Variants in RNF10 observed in about 807,000 individuals in gnomAD.
RNF10 encodes E3 ubiquitin-protein ligase RNF10.
RNF10 carries 38 observed loss-of-function variants against 91.4 expected under a neutral mutation model. The observed-to-expected ratio is 0.42, with a 90% CI of 0.32 to 0.54. RNF10 has a LOEUF of 0.54. Ranked by LOEUF, RNF10 falls within the 20% of genes least tolerant of loss-of-function variation. RNF10 has a pLI of 0.16. For synonymous variants in RNF10, 364 were observed against 366.3 expected (o/e 0.99, Z 0.07); for missense variants, 945 against 1,012.0 (o/e 0.93, Z 0.90).
At position 120,569,304 on chromosome 12, in the gene RNF10, C is replaced by T. The variant is rs1252048377; in HGVS notation, c.2042-1887C>T. Among the ~76,000 whole-genome samples the T allele has an allele frequency of 4.6e-5, 7 of 152,096 alleles. No individual in the cohort carries two copies. The East Asian group carries it at 1.4e-3, about 30-fold the overall frequency. On this transcript the variant is annotated intron_variant, in intron 13 of 16. Coordinates refer to ENST00000325954, the MANE Select transcript of RNF10 (RefSeq NM_014868.5). Reference sequence around the variant, plus strand: ...CTGTGCCTGGCCTCTGTCGGGCATTCTTAACAAAGTGTCCATCATTGGAAT... The same window carrying T: ...CTGTGCCTGGCCTCTGTCGGGCATTTTTAACAAAGTGTCCATCATTGGAAT...
At chr12:120,546,325 T>G in intron 1 of RNF10, 80 bp from the exon 2 acceptor site, 1 of 1,350,570 alleles carries the variant, frequency 7.4e-7, no homozygotes, top group South Asian at 1.4e-5. Flanking sequence ...CACCCTTATT[T>G]TTTGCTGGGA....
intron 1 of RNF10, 120 bp from the exon 2 acceptor site, chr12:120,546,285 A>G (rs1017569811): frequency 1.3e-5 from 11 of 826,470 alleles, no homozygotes; most frequent in Admixed American, 5.3e-5. Flanking sequence ...GCCCAAACCC[A>G]GATTCCTGAA....
In RNF10 at chr12:120,576,782, G is replaced by T; in HGVS notation, c.*116G>T. Reference sequence around the variant, plus strand: ...ATTTGAGTTTGAACAGATTAGCTCTGGGGGGAGGGGGTTTCCACAATGTGA... The same window carrying T: ...ATTTGAGTTTGAACAGATTAGCTCTTGGGGGAGGGGGTTTCCACAATGTGA... On this transcript the variant is annotated 3_prime_UTR_variant, in exon 17 of 17. Coordinates refer to ENST00000325954, the MANE Select transcript of RNF10 (RefSeq NM_014868.5). The T allele has an allele frequency of 2.1e-6, 3 of 1,400,918 alleles. No homozygotes were observed. The highest frequency in any genetic ancestry group is 2.9e-6 in the Non-Finnish European group (3 of 1,035,264). 86.8% of individuals were successfully genotyped at this position (1,400,918 alleles called of 1,614,324 possible).
intron 7 of RNF10, among the ~76,000 whole-genome samples, chr12:120,561,810 C>T (rs893799488): frequency 6.6e-6 from 1 of 152,144 alleles, no homozygotes; most frequent in Non-Finnish European, 1.5e-5. Flanking sequence ...CGTATTTGTT[C>T]AAATGCCATT....
chr12:120,542,271 A>G (rs1328977384), intron 1 of RNF10, among the ~76,000 whole-genome samples: 1 of 151,850 alleles, frequency 6.6e-6, no homozygotes, highest in African/African-American at 2.4e-5. Context: ...AATCCTTCCA[A>G]CTCAGCCTCT....
chr12:120,541,298 G>T (rs576796468), intron 1 of RNF10, among the ~76,000 whole-genome samples: 17 of 152,282 alleles, frequency 1.1e-4, no homozygotes, highest in Non-Finnish European at 1.8e-4. Context: ...TGGATAATGA[G>T]GTTGGAGGAT....
At chr12:120,567,908 T>C (rs1415301072) in intron 13 of RNF10, among the ~76,000 whole-genome samples, 1 of 151,718 alleles carries the variant, frequency 6.6e-6, no homozygotes, top group Non-Finnish European at 1.5e-5. Flanking sequence ...TGTAAATGTA[T>C]AGAAAAACTT....
intron 16 of RNF10, 89 bp downstream of exon 16, chr12:120,576,039 A>C (rs1445142039): frequency 7.5e-7 from 1 of 1,337,438 alleles, no homozygotes; most frequent in East Asian, 2.3e-5. Context: ...AGACATCACT[A>C]ATTAGGCTCT....
chr12:120,574,264 T>A (rs1877072757), intron 14 of RNF10, among the ~76,000 whole-genome samples: 1 of 152,248 alleles, frequency 6.6e-6, no homozygotes, highest in South Asian at 2.1e-4. Context: ...AATATATGAT[T>A]TAAGGACAAG....
chr12:120,559,294 T>G (rs1157330997), intron 6 of RNF10, among the ~76,000 whole-genome samples: 2 of 151,014 alleles, frequency 1.3e-5, no homozygotes, highest in African/African-American at 4.9e-5. Context: ...CGATTTTCCT[T>G]CCTCAGCTTC....
chr12:120,558,727 C>T (rs1874383582), intron 6 of RNF10, among the ~76,000 whole-genome samples: 1 of 151,322 alleles, frequency 6.6e-6, no homozygotes, highest in Non-Finnish European at 1.5e-5. Flanking sequence ...CGCCACCATG[C>T]CTGGCTGATT....
chr12:120,565,545 T>G lies in RNF10; in HGVS notation c.1885+16T>G. 1 of 1,608,296 alleles carries G rather than the reference T, an allele frequency of 6.2e-7. No individual in the cohort carries two copies. Among genetic ancestry groups the G allele is most frequent in the South Asian group, 1.1e-5 (1 of 90,788 alleles). ...CAGGGCAAGTGTAAGTTCAGGAACTTTCATCTTTGACTAGCACTGCTGTAC... is the reference window on the plus strand; with the variant it reads ...CAGGGCAAGTGTAAGTTCAGGAACTGTCATCTTTGACTAGCACTGCTGTAC... On this transcript the variant is annotated intron_variant, in intron 12 of 16. Coordinates refer to ENST00000325954, the MANE Select transcript of RNF10 (RefSeq NM_014868.5).
Position 120,576,597 on chromosome 12 carries a change from A to C in RNF10, c.2367A>C (p.Lys789Asn). Reference sequence around the variant, plus strand: ...TTCTGTGTCTCCCTTTAGAAGAGAAAGGAGGAAAGAAAAGAAAAAAACAGA... The same window carrying C: ...TTCTGTGTCTCCCTTTAGAAGAGAACGGAGGAAAGAAAAGAAAAAAACAGA... ...PATSDPLSEE[K>N]GGKKRKKQKQ... is the part of the protein sequence containing the mutation. The change falls in exon 17 of 17, where the codon AAA becomes AAC. Residue 789 changes from lysine (K) to asparagine (N), a missense_variant. Lys to Asn is a moderately conservative substitution (Grantham distance 94). Coordinates refer to ENST00000325954, the MANE Select transcript of RNF10 (RefSeq NM_014868.5). The C allele has an allele frequency of 7.4e-6, 12 of 1,613,898 alleles. No homozygotes were observed. Among genetic ancestry groups the C allele is most frequent in the Non-Finnish European group, 1.0e-5 (12 of 1,179,858 alleles).
At chr12:120,553,209 G>A (rs142525943) in intron 3 of RNF10, among the ~76,000 whole-genome samples, 13 of 149,728 alleles carry the variant, frequency 8.7e-5, no homozygotes, top group African/African-American at 2.7e-4. Context: ...TCAGCCTCCC[G>A]AATAGCTGGG....
At chr12:120,564,474 A>T (rs1196602750) in intron 10 of RNF10, among the ~76,000 whole-genome samples, 3 of 152,160 alleles carry the variant, frequency 2.0e-5, no homozygotes, top group Non-Finnish European at 1.5e-5. Flanking sequence ...TACAAAAAAA[A>T]ATTAGCTGGG....
chr12:120,544,003 G>A (rs1871935809), intron 1 of RNF10, among the ~76,000 whole-genome samples: 2 of 152,054 alleles, frequency 1.3e-5, no homozygotes, highest in African/African-American at 4.8e-5. Context: ...CGAGGTGAGT[G>A]GATCACTTGA....
chr12:120,540,176 T>C (rs1474226568), intron 1 of RNF10, among the ~76,000 whole-genome samples: 2 of 151,660 alleles, frequency 1.3e-5, no homozygotes, highest in Non-Finnish European at 2.9e-5. Flanking sequence ...TTGCCCAGGC[T>C]GGTCTCAAAT....
Position 120,546,608 on chromosome 12 carries a change from A to G in RNF10, c.354+7A>G, listed in dbSNP as rs745543597. 24 of 1,610,042 alleles carry G rather than the reference A, an allele frequency of 1.5e-5. No homozygotes were observed. The highest frequency in any genetic ancestry group is 1.8e-5 in the Non-Finnish European group (21 of 1,178,218). ...TGGTGGAAGACGAGATGAGGTATGGAATTTGAGAATGTCCTTTCTAGAGCA... is the reference window on the plus strand; with the variant it reads ...TGGTGGAAGACGAGATGAGGTATGGGATTTGAGAATGTCCTTTCTAGAGCA... On this transcript the variant is annotated splice_region_variant and intron_variant, in intron 2 of 16. Coordinates refer to ENST00000325954, the MANE Select transcript of RNF10 (RefSeq NM_014868.5).
chr12:120,536,475 G>C (rs1405636893), intron 1 of RNF10, among the ~76,000 whole-genome samples: 3 of 151,920 alleles, frequency 2.0e-5, no homozygotes, highest in Non-Finnish European at 4.4e-5. Context: ...AAAAAAAACA[G>C]AAAATTGTAA....
Sources: gnomAD v4.1 joint callset for allele counts (sites outside exome capture counted in the v4.1 genomes callset) on GRCh38, gnomAD v4.1.1 for gene constraint, MANE v1.5 for transcripts, NCBI Gene and HGNC (gene_info 2026-07-23, HGNC 2026-07-21) for gene names.